The following PLEKHO2 variants were observed in gnomAD, a reference collection of about 807,000 sequenced individuals.
PLEKHO2 encodes pleckstrin homology domain-containing family O member 2.
A neutral mutation model predicts 32.7 loss-of-function variants in PLEKHO2; 20 were observed. That is an observed-to-expected ratio of 0.61 (90% CI 0.43 to 0.89). The LOEUF (loss-of-function observed/expected upper bound fraction) is 0.89. Ranked by LOEUF, PLEKHO2 falls within the 40% of genes least tolerant of loss-of-function variation. PLEKHO2 has a pLI of 0.00. For missense variants in PLEKHO2, 568 were observed against 621.2 expected, an observed-to-expected ratio of 0.91 and a Z score of 0.91; for synonymous variants, 247 against 246.3, an observed-to-expected ratio of 1.00 and a Z score of -0.03.
rs1433720448 is a variant in PLEKHO2, at chr15:64,866,091, G to A, written c.*203G>A. ...CCAGTGGTGCCAGGTGCCACCCAGGGCTACTGCCTGGCTATCTGGCCTGGC... is the reference window on the plus strand; with the variant it reads ...CCAGTGGTGCCAGGTGCCACCCAGGACTACTGCCTGGCTATCTGGCCTGGC... On this transcript the variant is annotated 3_prime_UTR_variant, in exon 6 of 6. Transcript: ENST00000323544. The A allele has an allele frequency of 5.8e-6, 4 of 691,304 alleles. No homozygotes were observed. The highest frequency in any genetic ancestry group is 5.4e-5 in the African/African-American group (3 of 55,514). The allele number at this position is 691,304 out of a possible 1,614,324, so 42.8% of individuals were successfully genotyped here. A position where few individuals can be genotyped will look rare whatever the true frequency, so the allele number is the denominator to read the frequency against.
At chr15:64,845,177 G>A (rs929861370) in intron 1 of PLEKHO2, among the ~76,000 whole-genome samples, 1 of 148,216 alleles carries the variant, frequency 6.7e-6, no homozygotes, top group Non-Finnish European at 1.5e-5. Flanking sequence ...GGTTCCATCT[G>A]TCCCCTTCTG....
Position 64,852,965 on chromosome 15 carries a change from T to C in PLEKHO2, c.163-1956T>C, listed in dbSNP as rs138439047. On this transcript the variant is annotated intron_variant, in intron 2 of 5. Transcript: ENST00000323544. Reference sequence around the variant, plus strand: ...GAGTTCGAGACCAGCCTGGCCAACATGGTGAAACCATGTCTCTACAAAAAT... The same window carrying C: ...GAGTTCGAGACCAGCCTGGCCAACACGGTGAAACCATGTCTCTACAAAAAT... Among the ~76,000 whole-genome samples the C allele has an allele frequency of 3.3e-3, 507 of 151,548 alleles. 14 individuals carry two copies. The East Asian group carries it at 0.047, about 14-fold the overall frequency.
intron 3 of PLEKHO2, among the ~76,000 whole-genome samples, chr15:64,859,658 G>A (rs980113016): frequency 5.3e-5 from 8 of 152,198 alleles, no homozygotes; most frequent in Non-Finnish European, 8.8e-5. Context: ...GACCAGATCC[G>A]GGCTCTTTCC....
intron 3 of PLEKHO2, among the ~76,000 whole-genome samples, chr15:64,857,104 G>C (rs2084611060): frequency 6.6e-6 from 1 of 152,230 alleles, no homozygotes; most frequent in African/African-American, 2.4e-5. Flanking sequence ...GTCTCAGCCA[G>C]CTTGGCCCTT....
chr15:64,850,946 G>C (rs191197100), intron 2 of PLEKHO2, among the ~76,000 whole-genome samples: 5 of 152,206 alleles, frequency 3.3e-5, no homozygotes, highest in African/African-American at 9.6e-5. Flanking sequence ...GGGGCAGAAG[G>C]GGGAGCCTGC....
intron 5 of PLEKHO2, among the ~76,000 whole-genome samples, chr15:64,863,517 GTT>G (rs1491216765): frequency 3.6e-4 from 38 of 106,462 alleles, no homozygotes; most frequent in South Asian, 3.8e-4. Flanking sequence ...GTGTGTGTGT[GTT>G]TGTGTGTGTG....
At position 64,865,626 on chromosome 15, in the gene PLEKHO2, A is replaced by C. The variant is rs1362605539; in HGVS notation, c.1211A>C (p.Gln404Pro). ...GGGGAAGGCCCGCGGCATCCCTTGC[A>C]GCCCAGGGAACGGCTATATCGGGCC... ...LLGEGPRHPL[Q>P]PRERLYRAQL... Residue 404 changes from glutamine (Q) to proline (P), a missense_variant, in exon 6 of 6, where the codon CAG becomes CCG. Gln to Pro is a moderately conservative substitution (Grantham distance 76, BLOSUM62 -1). Coordinates refer to ENST00000323544, the MANE Select transcript of PLEKHO2 (RefSeq NM_025201.5). The C allele has an allele frequency of 2.5e-6, 4 of 1,614,134 alleles. No individual in the cohort carries two copies. The South Asian group carries it at 4.4e-5, about 18-fold the overall frequency.
rs375631171 is a variant in PLEKHO2 at position 64,865,499 on chromosome 15, C to G, written c.1084C>G (p.Pro362Ala). The G allele has an allele frequency of 1.2e-6, 2 of 1,613,870 alleles. No homozygotes were observed. Among genetic ancestry groups the G allele is most frequent in the African/African-American group, 2.7e-5 (2 of 74,920 alleles). ...PAKPSQAEGT[P>A]GTPPKDATTS... ...CAAGCCCTCTCAGGCTGAGGGCACC[C>G]CAGGAACTCCTCCAAAGGATGCAAC... Residue 362 changes from proline (P) to alanine (A), a missense_variant, in exon 6 of 6, where the codon CCA becomes GCA. Coordinates refer to ENST00000323544, the MANE Select transcript of PLEKHO2 (RefSeq NM_025201.5).
chr15:64,857,661 C>T (rs1157390374), intron 3 of PLEKHO2, among the ~76,000 whole-genome samples: 1 of 152,114 alleles, frequency 6.6e-6, no homozygotes, highest in Non-Finnish European at 1.5e-5. Flanking sequence ...CCTGTTTAAC[C>T]TTGTCTTCCT....
rs751414109 is a variant in PLEKHO2 at position 64,848,725 on chromosome 15, C to T, written c.145C>T (p.Leu49=). 1.2e-6 allele frequency: 2 copies of T among 1,614,120 alleles called. No homozygotes were observed. Among genetic ancestry groups the T allele is most frequent in the South Asian group, 1.1e-5 (1 of 91,084 alleles). ...TCTGCTCCTCTGCCAGGCCCAGCTG[C>T]TGGTCTATGAGAATGAGGTGAGGAC... ...RYLLLCQAQL[L]VYENEDDQKC... The change falls in exon 2 of 6, where the codon CTG becomes TTG. Residue 49 remains leucine (L), a synonymous_variant. Coordinates refer to ENST00000323544, the MANE Select transcript of PLEKHO2 (RefSeq NM_025201.5).
intron 5 of PLEKHO2, among the ~76,000 whole-genome samples, chr15:64,864,335 C>G (rs2084666804): frequency 6.6e-6 from 1 of 152,102 alleles, no homozygotes; most frequent in Non-Finnish European, 1.5e-5. Flanking sequence ...AGCAGCTGGA[C>G]AGGCAAAAGC....
At chr15:64,854,694 G>A (rs531311158) in intron 2 of PLEKHO2, among the ~76,000 whole-genome samples, 5 of 152,216 alleles carry the variant, frequency 3.3e-5, no homozygotes, top group Non-Finnish European at 7.3e-5. Context: ...TCTGGGCTAT[G>A]TGCCCATCTC....
chr15:64,864,532 A>T (rs2084667871), intron 5 of PLEKHO2, among the ~76,000 whole-genome samples: 1 of 152,096 alleles, frequency 6.6e-6, no homozygotes, highest in African/African-American at 2.4e-5. Flanking sequence ...TGAAGGCCAT[A>T]CAGCTAGGTA....
rs1489704310 is a variant in PLEKHO2 at position 64,866,339 on chromosome 15, T to C, written c.*451T>C. 3 of 457,574 alleles carry C rather than the reference T, an allele frequency of 6.6e-6. No homozygotes were observed. Among genetic ancestry groups the C allele is most frequent in the South Asian group, 3.1e-5 (2 of 64,582 alleles). The allele number at this position is 457,574 out of a possible 1,614,324, so 28.3% of individuals were successfully genotyped here. ...AGCTATTCCTAGGCAAAGAGCCTCA[T>C]GGCTAAGGCAGCCTCAAAGCCAGCC... On this transcript the variant is annotated 3_prime_UTR_variant, in exon 6 of 6. Coordinates refer to ENST00000323544, the MANE Select transcript of PLEKHO2 (RefSeq NM_025201.5).
At chr15:64,850,366 G>A (rs894873304) in intron 2 of PLEKHO2, among the ~76,000 whole-genome samples, 14 of 152,222 alleles carry the variant, frequency 9.2e-5, no homozygotes, top group African/African-American at 3.4e-4. Flanking sequence ...CAAGTCCAGC[G>A]TGCTTTCTAC....
chr15:64,855,903 C>G (rs899703392), intron 3 of PLEKHO2, among the ~76,000 whole-genome samples: 2 of 152,148 alleles, frequency 1.3e-5, no homozygotes, highest in African/African-American at 4.8e-5. Flanking sequence ...CTGTTTCTCC[C>G]CCAGCTTTAG....
intron 2 of PLEKHO2, among the ~76,000 whole-genome samples, chr15:64,853,966 GCCCGT>G (rs2084589064): frequency 6.6e-6 from 1 of 152,100 alleles, no homozygotes; most frequent in Non-Finnish European, 1.5e-5. Flanking sequence ...TAACTTTTTG[GCCCGT>G]CCCAGGGTGG....
intron 3 of PLEKHO2, among the ~76,000 whole-genome samples, chr15:64,857,882 T>C (rs2084615768): frequency 6.6e-6 from 1 of 152,286 alleles, no homozygotes; most frequent in South Asian, 2.1e-4. Flanking sequence ...TAATCTGACT[T>C]CTAGGCCTGC....
chr15:64,844,034 C>T (rs1466156769), intron 1 of PLEKHO2, among the ~76,000 whole-genome samples: 1 of 152,220 alleles, frequency 6.6e-6, no homozygotes, highest in East Asian at 1.9e-4. Context: ...ACTCTGCTTT[C>T]CTCCCACTTC....
Sources: gnomAD v4.1 joint callset for allele counts (sites outside exome capture counted in the v4.1 genomes callset) on GRCh38, gnomAD v4.1.1 for gene constraint, MANE v1.5 for transcripts, NCBI Gene and HGNC (gene_info 2026-07-23, HGNC 2026-07-21) for gene names.